Variants in STAG1 observed in about 807,000 individuals in gnomAD.
STAG1 encodes STAG1 cohesin complex component.
A neutral mutation model predicts 170.9 loss-of-function variants in STAG1; 26 were observed. That is an observed-to-expected ratio of 0.15 (90% confidence interval 0.11 to 0.21). STAG1 has a LOEUF of 0.21. Ranked by LOEUF, STAG1 falls within the 10% of genes least tolerant of loss-of-function variation. The pLI is 1.00. For synonymous variants in STAG1, 514 were observed against 497.7 expected, an observed-to-expected ratio of 1.03 and a Z score of -0.44; for missense variants, 964 against 1,509.5, an observed-to-expected ratio of 0.64 and a Z score of 5.99.
At chr3:136,364,548 T>C (rs1310089198) in intron 25 of STAG1, among the ~76,000 whole-genome samples, 1 of 152,178 alleles carries the variant, frequency 6.6e-6, no homozygotes, top group Non-Finnish European at 1.5e-5. Context: ...GTAACAGACT[T>C]AACTCTTCAT....
intron 32 of STAG1, among the ~76,000 whole-genome samples, chr3:136,339,724 C>A (rs1935885155): frequency 6.6e-6 from 1 of 152,170 alleles, no homozygotes; most frequent in Non-Finnish European, 1.5e-5. Flanking sequence ...ATAACTACTA[C>A]AATGTGTTGT....
intron 7 of STAG1, among the ~76,000 whole-genome samples, chr3:136,508,014 TAG>T (rs2107877937): frequency 6.6e-6 from 1 of 152,224 alleles, no homozygotes; most frequent in African/African-American, 2.4e-5. Context: ...AGTGAAGTAG[TAG>T]AGACAGAAAC....
intron 5 of STAG1, among the ~76,000 whole-genome samples, chr3:136,554,859 A>C (rs758814859): frequency 8.5e-5 from 13 of 152,132 alleles, no homozygotes; most frequent in Middle Eastern, 6.8e-3. Context: ...ACATGACTCC[A>C]CTCCAGCCTG....
At chr3:136,724,050 T>C (rs1289860215) in intron 1 of STAG1, among the ~76,000 whole-genome samples, 2 of 149,682 alleles carry the variant, frequency 1.3e-5, no homozygotes, top group Non-Finnish European at 3.0e-5. Flanking sequence ...CGGCCGCCCC[T>C]ACTGGGAAGT....
chr3:136,494,703 G>GA (rs1182895785), intron 9 of STAG1, among the ~76,000 whole-genome samples: 4 of 151,858 alleles, frequency 2.6e-5, no homozygotes, highest in Non-Finnish European at 4.4e-5. Context: ...ATTCAAAACA[G>GA]AAAAAATAAA....
chr3:136,627,300 GAA>G (rs1157458217), intron 2 of STAG1, among the ~76,000 whole-genome samples: 1 of 148,714 alleles, frequency 6.7e-6, no homozygotes, highest in African/African-American at 2.6e-5. Context: ...AGAATACAAG[GAA>G]AAGTTTCACT....
intron 22 of STAG1, among the ~76,000 whole-genome samples, chr3:136,388,452 T>G (rs1458770354): frequency 6.6e-6 from 1 of 152,166 alleles, no homozygotes; most frequent in Non-Finnish European, 1.5e-5. Flanking sequence ...CACTGCAACC[T>G]CCGCCTCCTG....
intron 1 of STAG1, among the ~76,000 whole-genome samples, chr3:136,724,465 G>A (rs1933541744): frequency 6.6e-6 from 1 of 151,842 alleles, no homozygotes; most frequent in South Asian, 2.1e-4. Context: ...CACAAACACT[G>A]AGGAAGGCCG....
At chr3:136,642,264 C>CTTTTTTTTT (rs10592920) in intron 1 of STAG1, among the ~76,000 whole-genome samples, 1 of 84,954 alleles carries the variant, frequency 1.2e-5, no homozygotes, top group African/African-American at 4.2e-5. Context: ...GACAGAATTT[C>CTTTTTTTTT]TTTTTTTTTT....
chr3:136,602,163 G>A (rs556867410), intron 4 of STAG1, among the ~76,000 whole-genome samples: 12 of 151,528 alleles, frequency 7.9e-5, no homozygotes, highest in African/African-American at 1.9e-4. Context: ...GGCGGATCAC[G>A]AGGTCAGGAG....
chr3:136,384,882 A>G (rs1017275648), intron 22 of STAG1, among the ~76,000 whole-genome samples: 5 of 152,182 alleles, frequency 3.3e-5, no homozygotes, highest in African/African-American at 7.2e-5. Context: ...ATAATACAAG[A>G]ACAAGATATG....
intron 13 of STAG1, among the ~76,000 whole-genome samples, chr3:136,454,492 T>A (rs1006561331): frequency 6.6e-6 from 1 of 151,690 alleles, no homozygotes; most frequent in Non-Finnish European, 1.5e-5. Flanking sequence ...GATTCTCCTG[T>A]CTCGGCCTCT....
intron 13 of STAG1, among the ~76,000 whole-genome samples, chr3:136,456,267 A>G (rs1448163154): frequency 6.6e-6 from 1 of 152,198 alleles, no homozygotes; most frequent in East Asian, 1.9e-4. Flanking sequence ...ATCCAAATAG[A>G]AAACTAAATC....
chr3:136,677,928 A>C, intron 1 of STAG1, among the ~76,000 whole-genome samples: 1 of 147,280 alleles, frequency 6.8e-6, no homozygotes, highest in South Asian at 2.1e-4. Context: ...TAGTACTTTG[A>C]TATATATTAT....
intron 23 of STAG1, among the ~76,000 whole-genome samples, chr3:136,372,184 T>G (rs776595061): frequency 2.0e-5 from 3 of 152,236 alleles, no homozygotes; most frequent in African/African-American, 7.2e-5. Context: ...CTTGTGATGT[T>G]TGCACATTGA....
At chr3:136,596,565 T>C (rs1352403084) in intron 4 of STAG1, among the ~76,000 whole-genome samples, 1 of 152,166 alleles carries the variant, frequency 6.6e-6, no homozygotes, top group East Asian at 1.9e-4. Flanking sequence ...ATATAAACCT[T>C]TGTGGTCCTA....
intron 29 of STAG1, among the ~76,000 whole-genome samples, chr3:136,345,131 G>A (rs535985958): frequency 2.0e-5 from 3 of 151,776 alleles, no homozygotes; most frequent in South Asian, 2.1e-4. Flanking sequence ...TCACTCTGTC[G>A]CAGGCTGTAG....
intron 22 of STAG1, among the ~76,000 whole-genome samples, chr3:136,387,128 T>A (rs2086892628): frequency 6.6e-6 from 1 of 152,248 alleles, no homozygotes; most frequent in South Asian, 2.1e-4. Flanking sequence ...AGTTAACTTA[T>A]TAGGCCACTG....
chr3:136,378,783 G>A (rs966404388), intron 22 of STAG1, among the ~76,000 whole-genome samples: 1 of 152,198 alleles, frequency 6.6e-6, no homozygotes, highest in Non-Finnish European at 1.5e-5. Flanking sequence ...TTAGCGAGGG[G>A]TTGAAACTAG....
Sources: allele counts gnomAD v4.1 joint callset (sites outside exome capture counted in the v4.1 genomes callset), GRCh38; gene constraint gnomAD v4.1.1; transcripts MANE v1.5; gene names NCBI Gene and HGNC (gene_info 2026-07-23, HGNC 2026-07-21).